ASTN1: variants seen among roughly 807,000 people sequenced by gnomAD.
ASTN1 encodes the protein astrotactin-1.
In ASTN1, 41 loss-of-function variants were observed where a neutral mutation model predicts 140.7. That is an observed-to-expected ratio of 0.29 (90% CI 0.23 to 0.38). The LOEUF is 0.38. Among genes scored for constraint, ASTN1 ranks in the 10% least tolerant of loss-of-function variants. ASTN1 has a pLI of 1.00. For missense variants in ASTN1, 1,479 were observed against 1,678.8 expected (o/e 0.88, Z 2.08); for synonymous variants, 640 against 652.2 (o/e 0.98, Z 0.29).
chr1:176,865,491 A>G (rs1314671683), intron 22 of ASTN1, among the ~76,000 whole-genome samples: 1 of 152,186 alleles, frequency 6.6e-6, no homozygotes, highest in Non-Finnish European at 1.5e-5. Context: ...AAAGATCAGG[A>G]TCCTCTCATT....
At chr1:177,050,798 T>C (rs1677503780) in intron 2 of ASTN1, among the ~76,000 whole-genome samples, 1 of 152,198 alleles carries the variant, frequency 6.6e-6, no homozygotes, top group Non-Finnish European at 1.5e-5. Context: ...AAACCAACTT[T>C]ATTATGACAT....
chr1:177,105,703 A>G (rs1680517283), intron 1 of ASTN1, among the ~76,000 whole-genome samples: 1 of 151,632 alleles, frequency 6.6e-6, no homozygotes, highest in Non-Finnish European at 1.5e-5. Context: ...GATAATAATT[A>G]TTGCTGCACT....
chr1:177,033,470 A>C (rs189636487), intron 2 of ASTN1, among the ~76,000 whole-genome samples: 1 of 152,340 alleles, frequency 6.6e-6, no homozygotes, highest in East Asian at 1.9e-4. Flanking sequence ...TCACACAATC[A>C]AAGCTGTTCT....
At chr1:176,873,567 C>T (rs565316246) in intron 21 of ASTN1, among the ~76,000 whole-genome samples, 25 of 152,188 alleles carry the variant, frequency 1.6e-4, no homozygotes, top group African/African-American at 5.8e-4. Context: ...TAAACTCAGA[C>T]CTGAGTGCTG....
At chr1:176,949,386 G>A in intron 11 of ASTN1, 35 bp from the exon 12 acceptor site, 2 of 1,592,356 alleles carry the variant, frequency 1.3e-6, no homozygotes, top group Non-Finnish European at 1.7e-6. Flanking sequence ...ATACGTGGGT[G>A]AATCGGGGAA....
At chr1:177,108,418 T>C (rs1377683794) in intron 1 of ASTN1, among the ~76,000 whole-genome samples, 2 of 151,836 alleles carry the variant, frequency 1.3e-5, no homozygotes, top group Admixed American at 1.3e-4. Context: ...TGTATTTGAC[T>C]ACTCTAGGTA....
At chr1:176,965,351 C>T in intron 8 of ASTN1, 114 bp from the exon 9 acceptor site, 2 of 982,186 alleles carry the variant, frequency 2.0e-6, no homozygotes, top group Non-Finnish European at 3.1e-6. Flanking sequence ...AGGGCATAGC[C>T]TCTGCCCTCA....
At chr1:176,899,211 C>T (rs536018147) in intron 16 of ASTN1, among the ~76,000 whole-genome samples, 2 of 152,322 alleles carry the variant, frequency 1.3e-5, no homozygotes, top group African/African-American at 4.8e-5. Context: ...GGATGAGTTT[C>T]CCCAATAGAA....
At chr1:176,916,326 C>T (rs1670479603) in intron 16 of ASTN1, among the ~76,000 whole-genome samples, 1 of 152,158 alleles carries the variant, frequency 6.6e-6, no homozygotes, top group East Asian at 1.9e-4. Flanking sequence ...GGGGTAGACA[C>T]CCCAGAAAGG....
chr1:177,013,835 A>G (rs921425401), intron 8 of ASTN1, among the ~76,000 whole-genome samples: 2 of 152,162 alleles, frequency 1.3e-5, no homozygotes, highest in African/African-American at 4.8e-5. Flanking sequence ...GACCCAGCCA[A>G]TGCAGAAAGT....
At chr1:177,119,868 TG>T (rs1428680814) in intron 1 of ASTN1, among the ~76,000 whole-genome samples, 1 of 152,166 alleles carries the variant, frequency 6.6e-6, no homozygotes, top group East Asian at 1.9e-4. Flanking sequence ...CTCTTCCAGA[TG>T]GCTATCAACC....
intron 1 of ASTN1, among the ~76,000 whole-genome samples, chr1:177,099,991 C>T (rs543140831): frequency 1.6e-4 from 25 of 152,148 alleles, no homozygotes; most frequent in Non-Finnish European, 3.5e-4. Context: ...CCAACCCCTC[C>T]TTTCAAAATT....
At chr1:176,873,965 T>C (rs1002172251) in intron 21 of ASTN1, among the ~76,000 whole-genome samples, 4 of 152,178 alleles carry the variant, frequency 2.6e-5, no homozygotes, top group African/African-American at 9.7e-5. Flanking sequence ...CTCTTTATTC[T>C]AGAATTACTT....
intron 8 of ASTN1, among the ~76,000 whole-genome samples, chr1:176,982,811 C>A (rs1411368983): frequency 6.6e-6 from 1 of 152,236 alleles, no homozygotes; most frequent in East Asian, 1.9e-4. Flanking sequence ...TGATAGACAA[C>A]CCAGGAACAC....
Position 176,943,882 on chromosome 1 carries a change from C to T in ASTN1, c.2377+9G>A. ...TGCCAGTTGAATAAGGTTGAGAAGG[C>T]ACACTCACCAGTCAGGAAGTCAGGG... On this transcript the variant is annotated intron_variant, in intron 14 of 22. Transcript: ENST00000361833. 6.3e-7 allele frequency: 1 copy of T among 1,592,156 alleles called. No individual in the cohort carries two copies. Among genetic ancestry groups the T allele is most frequent in the Non-Finnish European group, 8.6e-7 (1 of 1,167,820 alleles).
intron 20 of ASTN1, among the ~76,000 whole-genome samples, chr1:176,879,315 C>T (rs1370190518): frequency 6.6e-6 from 1 of 152,102 alleles, no homozygotes; most frequent in East Asian, 1.9e-4. Context: ...ACTACCAGAG[C>T]CCTGAGCATG....
rs1052278162 is a variant in ASTN1, at chr1:176,882,849, T to G, written c.3362+10A>C. On this transcript the variant is annotated intron_variant, in intron 20 of 22. Transcript: ENST00000361833. ...GGTAAGAAGTCACTAGGTAGGTGTGTGTTACTCACATGTAAATGGTGTCAG... is the reference window on the plus strand; with the variant it reads ...GGTAAGAAGTCACTAGGTAGGTGTGGGTTACTCACATGTAAATGGTGTCAG... The G allele has an allele frequency of 6.2e-7, 1 of 1,613,976 alleles. No homozygotes were observed. Among genetic ancestry groups the G allele is most frequent in the Non-Finnish European group, 8.5e-7 (1 of 1,180,014 alleles).
In ASTN1 at chr1:176,957,780, T is replaced by C. The variant is rs765159495; in HGVS notation, c.1785A>G (p.Leu595=). The change falls in exon 11 of 23, where the codon TTA becomes TTG. Residue 595 remains leucine, a synonymous_variant. Coordinates refer to ENST00000361833, the MANE Select transcript of ASTN1 (RefSeq NM_004319.3). The part of the protein sequence containing the change: ...SSSFDSLEVL[L]DSFGPVRDCS... The stretch of plus-strand genomic sequence containing the variant: ...AGTCGCGCACCGGCCCAAAGGAATC[T>C]AAGAGAACCTCCAGGCTGTCGAAGG... 2.5e-6 allele frequency: 4 copies of C among 1,613,998 alleles called. No individual in the cohort carries two copies. Among genetic ancestry groups the C allele is most frequent in the Non-Finnish European group, 3.4e-6 (4 of 1,179,980 alleles).
intron 8 of ASTN1, among the ~76,000 whole-genome samples, chr1:176,991,435 CCAAAAAAAA>C (rs1674163245): frequency 1.8e-4 from 1 of 5,698 alleles, no homozygotes; most frequent in Non-Finnish European, 4.5e-4. Flanking sequence ...AAAAAAAAAA[CCAAAAAAAA>C]AAAAAAAAAA....
Sources: gnomAD v4.1 joint callset for allele counts (sites outside exome capture counted in the v4.1 genomes callset) on GRCh38, gnomAD v4.1.1 for gene constraint, MANE v1.5 for transcripts, NCBI Gene and HGNC (gene_info 2026-07-23, HGNC 2026-07-21) for gene names.